Variants in NTNG1 observed in about 807,000 individuals in gnomAD.
The protein encoded by NTNG1 is netrin-G1.
A neutral mutation model predicts 54.0 loss-of-function variants in NTNG1; 16 were observed. The observed-to-expected ratio is 0.30, with a 90% CI of 0.20 to 0.45. NTNG1 has a LOEUF of 0.45. Among genes scored for constraint, NTNG1 ranks in the 20% least tolerant of loss-of-function variants. The pLI, the probability that NTNG1 is intolerant of heterozygous loss-of-function variation, is 1.00. For missense variants in NTNG1, 530 were observed against 678.7 expected (o/e 0.78, Z 2.43); for synonymous variants, 255 against 263.1 (o/e 0.97, Z 0.30).
At chr1:107,377,791 G>T (rs1044003000) in intron 3 of NTNG1, among the ~76,000 whole-genome samples, 3 of 152,232 alleles carry the variant, frequency 2.0e-5, no homozygotes, top group Non-Finnish European at 4.4e-5. Flanking sequence ...TAGACGTGTG[G>T]ATGTGCAAAC....
intron 2 of NTNG1, among the ~76,000 whole-genome samples, chr1:107,177,725 A>C (rs890030254): frequency 6.6e-6 from 1 of 152,182 alleles, no homozygotes; most frequent in Non-Finnish European, 1.5e-5. Context: ...TTGATTTATC[A>C]ACTTTAGGCA....
upstream of NTNG1, among the ~76,000 whole-genome samples, chr1:107,140,470 G>A (rs968076358): frequency 6.6e-6 from 1 of 152,082 alleles, no homozygotes; most frequent in South Asian, 2.1e-4. Context: ...AGCGTCGTGG[G>A]CCATGTATAT....
chr1:107,376,504 T>C (rs1671271463), intron 3 of NTNG1, among the ~76,000 whole-genome samples: 1 of 152,042 alleles, frequency 6.6e-6, no homozygotes, highest in African/African-American at 2.4e-5. Context: ...TTGTCCAGTG[T>C]TGTATACCCA....
At chr1:107,209,847 C>A (rs375676557) in intron 2 of NTNG1, among the ~76,000 whole-genome samples, 1 of 151,828 alleles carries the variant, frequency 6.6e-6, no homozygotes, top group East Asian at 1.9e-4. Flanking sequence ...TCAGGCCATG[C>A]CTGAAGTCAG....
In NTNG1 at chr1:107,460,529, G is replaced by A. The variant is rs150077757; in HGVS notation, c.1391-20082G>A. 8.7e-4 allele frequency: 390 copies of A among 446,294 alleles called. 6 individuals are homozygous for A. The highest frequency in any genetic ancestry group is 6.6e-3 in the East Asian group (100 of 15,050). 27.6% of individuals were successfully genotyped at this position (446,294 alleles called of 1,614,324 possible). A position where few individuals can be genotyped will look rare whatever the true frequency, so the allele number is the denominator to read the frequency against. ...CCATGGTTTAATATTGACTTCTTAC[G>A]AATATTTATATTCACAGCAACTTGG... On this transcript the variant is annotated intron_variant, in intron 7 of 7. Coordinates refer to ENST00000370068, the MANE Select transcript of NTNG1 (RefSeq NM_001113226.3).
intron 2 of NTNG1, among the ~76,000 whole-genome samples, chr1:107,264,515 T>C (rs187076663): frequency 2.3e-4 from 35 of 152,316 alleles, no homozygotes; most frequent in Non-Finnish European, 1.6e-4. Context: ...TATATATAGA[T>C]TTTCCTTTCA....
intron 3 of NTNG1, among the ~76,000 whole-genome samples, chr1:107,357,531 A>G (rs1670008271): frequency 6.6e-6 from 1 of 152,226 alleles, no homozygotes; most frequent in Non-Finnish European, 1.5e-5. Flanking sequence ...TTCCTTAAAA[A>G]CTTTAGCTAA....
chr1:107,169,840 G>A (rs1270363691), intron 2 of NTNG1, among the ~76,000 whole-genome samples: 1 of 152,072 alleles, frequency 6.6e-6, no homozygotes, highest in Non-Finnish European at 1.5e-5. Context: ...GCAAAGAATT[G>A]GTTTATGCTA....
chr1:107,411,954 T>A (rs1441091531), intron 5 of NTNG1, among the ~76,000 whole-genome samples: 1 of 152,214 alleles, frequency 6.6e-6, no homozygotes, highest in Non-Finnish European at 1.5e-5. Flanking sequence ...AATATTCCAA[T>A]GGAGGAGCTG....
At chr1:107,290,638 G>A (rs1426685436) in intron 2 of NTNG1, among the ~76,000 whole-genome samples, 1 of 151,966 alleles carries the variant, frequency 6.6e-6, no homozygotes, top group Admixed American at 6.6e-5. Context: ...TCTTCATATG[G>A]ACACAAACCA....
chr1:107,172,893 A>G (rs1656359331), intron 2 of NTNG1, among the ~76,000 whole-genome samples: 1 of 152,186 alleles, frequency 6.6e-6, no homozygotes, highest in Admixed American at 6.5e-5. Flanking sequence ...GGCAGACTCT[A>G]AAGTAGATAA....
intron 2 of NTNG1, among the ~76,000 whole-genome samples, chr1:107,201,292 TC>T (rs1658735872): frequency 6.6e-6 from 1 of 151,768 alleles, no homozygotes; most frequent in African/African-American, 2.4e-5. Flanking sequence ...CTTCCTAAAG[TC>T]CCTGAATTTG....
intron 2 of NTNG1, among the ~76,000 whole-genome samples, chr1:107,179,467 T>C (rs1656904711): frequency 6.6e-6 from 1 of 152,154 alleles, no homozygotes; most frequent in Admixed American, 6.6e-5. Context: ...TCCAGGCATT[T>C]ATTTCAATGT....
intron 2 of NTNG1, among the ~76,000 whole-genome samples, chr1:107,258,949 T>C (rs1199913749): frequency 6.6e-6 from 1 of 152,180 alleles, no homozygotes; most frequent in African/African-American, 2.4e-5. Flanking sequence ...ATGCATGTGT[T>C]ACCTGAAAAA....
intron 3 of NTNG1, among the ~76,000 whole-genome samples, chr1:107,371,141 G>C (rs1444556603): frequency 6.6e-6 from 1 of 152,002 alleles, no homozygotes; most frequent in African/African-American, 2.4e-5. Context: ...TTCCTTCCAT[G>C]CCTAGTTTCC....
chr1:107,203,172 T>C (rs984072167), intron 2 of NTNG1, among the ~76,000 whole-genome samples: 5 of 151,850 alleles, frequency 3.3e-5, no homozygotes, highest in Admixed American at 6.6e-5. Context: ...AGCAAGAATG[T>C]TCTTTAATTC....
intron 4 of NTNG1, among the ~76,000 whole-genome samples, chr1:107,403,147 T>C (rs964015028): frequency 6.6e-6 from 1 of 152,162 alleles, no homozygotes; most frequent in African/African-American, 2.4e-5. Context: ...CACATTATTA[T>C]ATTGTGTAAT....
chr1:107,161,001 T>C (rs1405670694), intron 2 of NTNG1, among the ~76,000 whole-genome samples: 1 of 152,132 alleles, frequency 6.6e-6, no homozygotes, highest in Non-Finnish European at 1.5e-5. Flanking sequence ...ATGGTTTTAC[T>C]CCTTACAGGC....
At chr1:107,153,704 A>G (rs1654762154) in intron 2 of NTNG1, among the ~76,000 whole-genome samples, 1 of 152,174 alleles carries the variant, frequency 6.6e-6, no homozygotes, top group South Asian at 2.1e-4. Context: ...CATCATGTCT[A>G]AATTACTCTA....
Sources: gnomAD v4.1 joint callset for allele counts (sites outside exome capture counted in the v4.1 genomes callset) on GRCh38, gnomAD v4.1.1 for gene constraint, MANE v1.5 for transcripts, NCBI Gene and HGNC (gene_info 2026-07-23, HGNC 2026-07-21) for gene names.